RAB38: variants seen among roughly 807,000 people sequenced by gnomAD.
The protein encoded by RAB38 is ras-related protein Rab-38.
In RAB38, 15 loss-of-function variants were observed where a neutral mutation model predicts 18.4. The observed-to-expected ratio is 0.82, with a 90% CI of 0.55 to 1.26. The LOEUF is 1.26. RAB38 is among the 50% of genes most tolerant of loss of function. The pLI is 0.00. For missense variants in RAB38, 294 were observed against 267.4 expected, an observed-to-expected ratio of 1.10 and a Z score of -0.69; for synonymous variants, 101 against 104.4, an observed-to-expected ratio of 0.97 and a Z score of 0.20.
At chr11:87,966,593 C>A in the RAB38 span, among the ~76,000 whole-genome samples, 1 of 152,084 alleles carries the variant, frequency 6.6e-6, no homozygotes, top group Non-Finnish European at 1.5e-5. Flanking sequence ...TATAGTAAAT[C>A]AATAATGCTA....
the RAB38 span, among the ~76,000 whole-genome samples, chr11:87,842,803 C>A: frequency 1.2e-5 from 1 of 86,278 alleles, no homozygotes. Flanking sequence ...TGCACACACA[C>A]ACACACGCGC....
chr11:87,836,276 T>A, the RAB38 span, among the ~76,000 whole-genome samples: 1 of 152,210 alleles, frequency 6.6e-6, no homozygotes, highest in African/African-American at 2.4e-5. Flanking sequence ...TAAAAACAAC[T>A]GTGCAGTTAG....
At chr11:87,951,173 C>T in the RAB38 span, among the ~76,000 whole-genome samples, 458 of 152,244 alleles carry the variant, frequency 3.0e-3, 2 homozygotes, top group African/African-American at 9.0e-3. Context: ...TCCAGTTGAT[C>T]GCATCGGCTC....
the RAB38 span, among the ~76,000 whole-genome samples, chr11:88,084,788 G>A: frequency 1.3e-5 from 2 of 151,682 alleles, no homozygotes; most frequent in Non-Finnish European, 2.9e-5. Context: ...TTTCTTGGGG[G>A]TGAGACCACA....
At chr11:88,042,188 G>A in the RAB38 span, among the ~76,000 whole-genome samples, 1 of 152,134 alleles carries the variant, frequency 6.6e-6, no homozygotes, top group African/African-American at 2.4e-5. Context: ...AGACTTCCTA[G>A]GAAAAGGTAG....
intron 1 of RAB38, among the ~76,000 whole-genome samples, chr11:88,168,488 T>C (rs1943270235): frequency 6.6e-6 from 1 of 152,146 alleles, no homozygotes; most frequent in South Asian, 2.1e-4. Context: ...AGATCACTTT[T>C]CAATGACTAA....
At chr11:87,822,145 A>G in the RAB38 span, among the ~76,000 whole-genome samples, 1 of 152,092 alleles carries the variant, frequency 6.6e-6, no homozygotes, top group Non-Finnish European at 1.5e-5. Flanking sequence ...AGAAACCAAA[A>G]AGTGTAAGAA....
chr11:87,924,484 A>G, the RAB38 span, among the ~76,000 whole-genome samples: 5 of 151,578 alleles, frequency 3.3e-5, no homozygotes, highest in East Asian at 9.7e-4. Flanking sequence ...TTAACTGGTG[A>G]CCTTTTTTCT....
the RAB38 span, among the ~76,000 whole-genome samples, chr11:87,914,133 C>T: frequency 6.6e-6 from 1 of 151,944 alleles, no homozygotes; most frequent in Non-Finnish European, 1.5e-5. Flanking sequence ...GAAAAAGGCT[C>T]TGTTTCCATG....
At chr11:88,155,226 T>C (rs1160298490) in intron 1 of RAB38, among the ~76,000 whole-genome samples, 1 of 152,188 alleles carries the variant, frequency 6.6e-6, no homozygotes, top group East Asian at 1.9e-4. Context: ...CCAATCCCCT[T>C]GGCTAAGCAG....
At chr11:88,144,770 G>A (rs1942959955) in intron 2 of RAB38, among the ~76,000 whole-genome samples, 1 of 151,958 alleles carries the variant, frequency 6.6e-6, no homozygotes, top group East Asian at 2.0e-4. Context: ...TATCTGTCAG[G>A]AGTAGGACTG....
the RAB38 span, among the ~76,000 whole-genome samples, chr11:87,833,199 C>A: frequency 6.6e-6 from 1 of 152,228 alleles, no homozygotes; most frequent in Non-Finnish European, 1.5e-5. Context: ...CTCATTCTGA[C>A]CACACAGACC....
At chr11:88,166,342 T>C (rs1943243629) in intron 1 of RAB38, 1 of 152,150 alleles carries the variant, frequency 6.6e-6, no homozygotes, top group Non-Finnish European at 1.5e-5. Flanking sequence ...AATTTGATCA[T>C]CATTATAACT....
At chr11:87,976,145 T>G in the RAB38 span, among the ~76,000 whole-genome samples, 1 of 148,896 alleles carries the variant, frequency 6.7e-6, no homozygotes, top group Non-Finnish European at 1.5e-5. Context: ...TGTGTGTATA[T>G]ATACATATAT....
the RAB38 span, among the ~76,000 whole-genome samples, chr11:87,958,506 C>G: frequency 6.6e-6 from 1 of 152,056 alleles, no homozygotes; most frequent in Admixed American, 6.6e-5. Context: ...AGAAAATGAA[C>G]CCCAGGAAGC....
At chr11:88,168,058 A>G (rs548665611) in intron 1 of RAB38, among the ~76,000 whole-genome samples, 1 of 152,294 alleles carries the variant, frequency 6.6e-6, no homozygotes, top group South Asian at 2.1e-4. Context: ...AATTCACCAG[A>G]TGAGTGATGG....
intron 1 of RAB38, chr11:88,166,412 G>A (rs528892748): frequency 2.0e-5 from 3 of 152,160 alleles, no homozygotes; most frequent in South Asian, 2.1e-4. Context: ...AATTATTCAA[G>A]CTTCCTTGGT....
At chr11:88,168,667 C>T (rs1455149933) in intron 1 of RAB38, among the ~76,000 whole-genome samples, 1 of 43,510 alleles carries the variant, frequency 2.3e-5, no homozygotes. Flanking sequence ...TTTAAAACTG[C>T]ATTTTTATAT....
intron 1 of RAB38, among the ~76,000 whole-genome samples, chr11:88,161,450 C>A (rs1285704543): frequency 6.6e-6 from 1 of 152,016 alleles, no homozygotes; most frequent in Non-Finnish European, 1.5e-5. Flanking sequence ...TTTAAAATTT[C>A]TACACCACTG....
Sources: allele counts gnomAD v4.1 joint callset (sites outside exome capture counted in the v4.1 genomes callset), GRCh38; gene constraint gnomAD v4.1.1; transcripts MANE v1.5; gene names NCBI Gene and HGNC (gene_info 2026-07-23, HGNC 2026-07-21).